The following B3GALT1 variants were observed in gnomAD, a reference collection of about 807,000 sequenced individuals.
B3GALT1 encodes beta-1,3-galactosyltransferase 1.
B3GALT1 carries 10 observed loss-of-function variants against 23.2 expected under a neutral mutation model. The ratio of observed to expected loss-of-function variants is 0.43; its 90% CI spans 0.27 to 0.73. The LOEUF (loss-of-function observed/expected upper bound fraction) is 0.73, where lower values mean the gene tolerates loss of function less well. Ranked by LOEUF, B3GALT1 falls within the 30% of genes least tolerant of loss-of-function variation. The pLI is 0.21. For missense variants in B3GALT1, 299 were observed against 405.4 expected (o/e 0.74, Z 2.25); for synonymous variants, 156 against 141.5 (o/e 1.10, Z -0.73).
At chr2:167,524,316 A>G (rs1473122424) in intron 2 of B3GALT1, among the ~76,000 whole-genome samples, 1 of 152,178 alleles carries the variant, frequency 6.6e-6, no homozygotes, top group Non-Finnish European at 1.5e-5. Context: ...TAACCACTTG[A>G]GAAAAAATGC....
intron 3 of B3GALT1, among the ~76,000 whole-genome samples, chr2:167,775,586 A>AAC (rs1230541394): frequency 6.6e-6 from 1 of 151,622 alleles, no homozygotes; most frequent in African/African-American, 2.4e-5. Context: ...AAAAAAACAA[A>AAC]ACACACACAC....
chr2:167,664,364 G>C (rs1319538305), intron 3 of B3GALT1, among the ~76,000 whole-genome samples: 1 of 151,518 alleles, frequency 6.6e-6, no homozygotes. Flanking sequence ...GGTTACTGTA[G>C]CTTTGTAGTA....
intron 3 of B3GALT1, among the ~76,000 whole-genome samples, chr2:167,677,577 C>A (rs1481136641): frequency 6.6e-6 from 1 of 152,176 alleles, no homozygotes; most frequent in Non-Finnish European, 1.5e-5. Context: ...ATCCCAGAAC[C>A]CCTCAATCAC....
intron 2 of B3GALT1, among the ~76,000 whole-genome samples, chr2:167,583,897 A>G (rs1684535120): frequency 6.6e-6 from 1 of 152,192 alleles, no homozygotes; most frequent in Non-Finnish European, 1.5e-5. Context: ...TAACAGAATA[A>G]CTTAAGCCAA....
At chr2:167,838,170 T>C (rs1378998321) in intron 4 of B3GALT1, among the ~76,000 whole-genome samples, 4 of 151,426 alleles carry the variant, frequency 2.6e-5, no homozygotes, top group African/African-American at 9.7e-5. Context: ...AAGAAATAAC[T>C]AAAATCAGAG....
At chr2:167,364,677 T>A in intron 1 of B3GALT1, among the ~76,000 whole-genome samples, 1 of 152,226 alleles carries the variant, frequency 6.6e-6, no homozygotes. Context: ...CTCATCCTTT[T>A]TTATGGCTGC....
At chr2:167,663,551 G>A (rs965314329) in intron 3 of B3GALT1, among the ~76,000 whole-genome samples, 1 of 151,694 alleles carries the variant, frequency 6.6e-6, no homozygotes, top group Non-Finnish European at 1.5e-5. Flanking sequence ...CTTCCACAAT[G>A]GTTGAACTAG....
chr2:167,707,627 C>T (rs1686986022), intron 3 of B3GALT1, among the ~76,000 whole-genome samples: 1 of 152,140 alleles, frequency 6.6e-6, no homozygotes, highest in Non-Finnish European at 1.5e-5. Flanking sequence ...CTGCCTCTCA[C>T]TTCCACTTTG....
At chr2:167,755,084 A>G (rs1687796029) in intron 3 of B3GALT1, among the ~76,000 whole-genome samples, 1 of 152,170 alleles carries the variant, frequency 6.6e-6, no homozygotes, top group African/African-American at 2.4e-5. Context: ...CCCAGTTTCA[A>G]ACAGATTCTG....
At chr2:167,301,723 T>A (rs1696448425) in intron 1 of B3GALT1, among the ~76,000 whole-genome samples, 1 of 152,080 alleles carries the variant, frequency 6.6e-6, no homozygotes, top group Non-Finnish European at 1.5e-5. Flanking sequence ...GCTAATTTTT[T>A]ATTTTTTAGT....
intron 2 of B3GALT1, among the ~76,000 whole-genome samples, chr2:167,583,814 C>G (rs928968384): frequency 6.6e-6 from 1 of 152,166 alleles, no homozygotes; most frequent in Non-Finnish European, 1.5e-5. Flanking sequence ...TATTTTCTGA[C>G]TAATGAAATT....
At chr2:167,569,058 C>T (rs890993119) in intron 2 of B3GALT1, among the ~76,000 whole-genome samples, 13 of 151,818 alleles carry the variant, frequency 8.6e-5, no homozygotes, top group African/African-American at 4.8e-5. Context: ...TTTCTGGGTT[C>T]TTTATTCTGT....
intron 3 of B3GALT1, among the ~76,000 whole-genome samples, chr2:167,693,743 C>T (rs55785420): frequency 0.1 from 15,935 of 152,130 alleles, 1,070 homozygotes; most frequent in Middle Eastern, 0.21. Flanking sequence ...TTATCCCCTA[C>T]TTGAAATGGT....
At chr2:167,399,777 C>T (rs747752608) in intron 1 of B3GALT1, among the ~76,000 whole-genome samples, 1 of 151,984 alleles carries the variant, frequency 6.6e-6, no homozygotes, top group East Asian at 1.9e-4. Flanking sequence ...CTTCTCTTAA[C>T]TTTACTTCTG....
Position 167,390,792 on chromosome 2 carries a change from C to CTGAATGAA in B3GALT1, c.-511+97474_-511+97481dup, listed in dbSNP as rs142085694. Among the ~76,000 whole-genome samples the CTGAATGAA allele has an allele frequency of 9.6e-3, 1,448 of 151,242 alleles. 21 individuals are homozygous for CTGAATGAA. The highest frequency in any genetic ancestry group is 0.031 in the African/African-American group (1,284 of 41,264). On this transcript the variant is annotated intron_variant, in intron 1 of 4. Coordinates refer to ENST00000392690, the MANE Select transcript of B3GALT1 (RefSeq NM_020981.4). Reference sequence around the variant, plus strand: ...AGCAGGTAAAGCATTTAGTAAATATCTGAATGAATGAATGAATGAATGAGT... The same window carrying CTGAATGAA: ...AGCAGGTAAAGCATTTAGTAAATATCTGAATGAATGAATGAATGAATGAATGAATGAGT...
At chr2:167,585,526 G>C (rs1399783956) in intron 2 of B3GALT1, among the ~76,000 whole-genome samples, 1 of 152,108 alleles carries the variant, frequency 6.6e-6, no homozygotes, top group Non-Finnish European at 1.5e-5. Context: ...CACTAGAATT[G>C]CTAAAATTTA....
chr2:167,480,521 T>C (rs533311759), intron 1 of B3GALT1, among the ~76,000 whole-genome samples: 2 of 152,270 alleles, frequency 1.3e-5, no homozygotes, highest in East Asian at 1.9e-4. Flanking sequence ...AGAGTGACTC[T>C]TTAGGCTTGC....
intron 2 of B3GALT1, among the ~76,000 whole-genome samples, chr2:167,553,692 A>C (rs887391210): frequency 2.0e-5 from 3 of 152,136 alleles, no homozygotes; most frequent in Admixed American, 6.6e-5. Flanking sequence ...TTTTCCCACC[A>C]TGGTTCATTT....
intron 4 of B3GALT1, among the ~76,000 whole-genome samples, chr2:167,848,697 C>G (rs1689811762): frequency 6.6e-6 from 1 of 152,082 alleles, no homozygotes; most frequent in African/African-American, 2.4e-5. Flanking sequence ...ACAAAGATGC[C>G]CACTCTTACC....
Sources: gnomAD v4.1 joint callset for allele counts (sites outside exome capture counted in the v4.1 genomes callset) on GRCh38, gnomAD v4.1.1 for gene constraint, MANE v1.5 for transcripts, NCBI Gene and HGNC (gene_info 2026-07-23, HGNC 2026-07-21) for gene names.